Variants in ZNF568 observed in about 807,000 individuals in gnomAD.
The protein encoded by ZNF568 is zinc finger protein 568, also known as p53 inhibitor of SCO2 activation.
Under a neutral mutation model 18.1 loss-of-function variants are expected in ZNF568, and 11 were observed. The observed-to-expected ratio is 0.61, with a 90% CI of 0.38 to 1.00. The LOEUF (loss-of-function observed/expected upper bound fraction) is 1.00. Ranked by LOEUF, ZNF568 falls within the 50% of genes least tolerant of loss-of-function variation. The pLI is 0.01. For missense variants in ZNF568, 639 were observed against 768.2 expected (o/e 0.83, Z 1.99); for synonymous variants, 213 against 246.6 (o/e 0.86, Z 1.28).
chr19:36,974,909 C>T (rs528604374), intron 7 of ZNF568, among the ~76,000 whole-genome samples: 1 of 150,592 alleles, frequency 6.6e-6, no homozygotes, highest in East Asian at 1.9e-4. Flanking sequence ...TCACTGCAAC[C>T]TCCGCCTCCT....
At chr19:36,944,673 T>C (rs1175168631) in intron 6 of ZNF568, among the ~76,000 whole-genome samples, 2 of 152,122 alleles carry the variant, frequency 1.3e-5, no homozygotes, top group Admixed American at 6.5e-5. Flanking sequence ...CCATCCCTCT[T>C]TCTCCCCATC....
At chr19:36,983,407 C>T (rs544098575), downstream of ZNF568, among the ~76,000 whole-genome samples, 24 of 152,258 alleles carry the variant, frequency 1.6e-4, no homozygotes, top group African/African-American at 4.3e-4. Flanking sequence ...ATTTACTACC[C>T]GCATCCTCCC....
chr19:36,958,950 A>G (rs529625814), intron 6 of ZNF568, among the ~76,000 whole-genome samples: 9 of 152,274 alleles, frequency 5.9e-5, no homozygotes, highest in African/African-American at 2.2e-4. Flanking sequence ...TCCTAGATAT[A>G]GGATTATATC....
intron 3 of ZNF568, among the ~76,000 whole-genome samples, chr19:36,924,715 C>T (rs779062490): frequency 1.3e-5 from 2 of 150,798 alleles, no homozygotes; most frequent in South Asian, 4.2e-4. Flanking sequence ...CCTATAATCC[C>T]AGCTACGTGG....
At chr19:36,982,180 C>T (rs191236641), downstream of ZNF568, among the ~76,000 whole-genome samples, 11 of 152,076 alleles carry the variant, frequency 7.2e-5, no homozygotes, top group African/African-American at 2.7e-4. Flanking sequence ...TATTTTAATT[C>T]TTATCTTGCT....
intron 2 of ZNF568, among the ~76,000 whole-genome samples, chr19:36,986,106 ATTG>A (rs2074374327): frequency 6.6e-6 from 1 of 152,084 alleles, no homozygotes; most frequent in South Asian, 2.1e-4. Flanking sequence ...CCACCTTAGT[ATTG>A]TTATGTGAAC....
intron 2 of ZNF568, among the ~76,000 whole-genome samples, chr19:36,920,017 G>C (rs905755966): frequency 9.2e-5 from 14 of 152,126 alleles, no homozygotes; most frequent in South Asian, 8.3e-4. Context: ...ACAGCCTCAG[G>C]TCCTTCAGGA....
At chr19:36,919,576 G>A (rs928343766) in intron 2 of ZNF568, among the ~76,000 whole-genome samples, 1 of 152,144 alleles carries the variant, frequency 6.6e-6, no homozygotes, top group Non-Finnish European at 1.5e-5. Context: ...CTGTAAGGCT[G>A]TAATGCCACC....
downstream of ZNF568, among the ~76,000 whole-genome samples, chr19:36,953,664 C>T (rs527735028): frequency 8.1e-4 from 124 of 152,298 alleles, no homozygotes; most frequent in African/African-American, 2.8e-3. Flanking sequence ...GTAAACCCAG[C>T]GCTTTGGGAG....
intron 4 of ZNF568, chr19:36,996,278 G>A: frequency 7.0e-7 from 1 of 1,429,642 alleles, no homozygotes; most frequent in Non-Finnish European, 9.3e-7. Flanking sequence ...GTCCTGCAAT[G>A]TGAAAATACC....
At chr19:36,924,489 T>G (rs1337612860) in intron 3 of ZNF568, among the ~76,000 whole-genome samples, 3 of 5,574 alleles carry the variant, frequency 5.4e-4, no homozygotes, top group Non-Finnish European at 9.8e-4. Flanking sequence ...AGTGCTGGGA[T>G]TACAGGCGTG....
intron 2 of ZNF568, among the ~76,000 whole-genome samples, chr19:36,919,664 C>A (rs1282014676): frequency 1.3e-5 from 2 of 152,134 alleles, no homozygotes; most frequent in African/African-American, 2.4e-5. Context: ...TGGCCTGGTT[C>A]CTAACCAGGA....
chr19:36,942,673 A>G (rs2146299381), intron 6 of ZNF568, among the ~76,000 whole-genome samples: 1 of 151,432 alleles, frequency 6.6e-6, no homozygotes, highest in African/African-American at 2.4e-5. Context: ...CAGCTTCAAC[A>G]GTTACCGACA....
Position 36,922,851 on chromosome 19 carries a change from G to A in ZNF568, c.76+5G>A. On this transcript the variant is annotated splice_donor_5th_base_variant and intron_variant, in intron 3 of 6. Transcript: ENST00000333987. ...GCCACATGATGGAAAGGAAAGGTGA[G>A]GTGGCTCATAGGTGGACAGAGCTTA... 1 of 1,613,724 alleles carries A rather than the reference G, an allele frequency of 6.2e-7. No homozygotes were observed. The highest frequency in any genetic ancestry group is 1.7e-5 in the Admixed American group (1 of 59,980).
intron 6 of ZNF568, among the ~76,000 whole-genome samples, chr19:36,971,634 G>A (rs1292648602): frequency 2.6e-5 from 4 of 152,066 alleles, no homozygotes; most frequent in South Asian, 2.1e-4. Flanking sequence ...ACGCAGTCTC[G>A]CTCTATCGCC....
At chr19:36,974,212 G>A (rs1343687485) in intron 6 of ZNF568, among the ~76,000 whole-genome samples, 1 of 152,084 alleles carries the variant, frequency 6.6e-6, no homozygotes, top group Non-Finnish European at 1.5e-5. Context: ...GGAGGAAGAG[G>A]GCTACGGTCT....
chr19:36,959,407 GGTTT>G (rs1600830461), intron 6 of ZNF568, among the ~76,000 whole-genome samples: 1 of 152,006 alleles, frequency 6.6e-6, no homozygotes, highest in African/African-American at 2.4e-5. Flanking sequence ...TATTGGATTT[GGTTT>G]GTTAGTGCTT....
Position 36,951,238 on chromosome 19 carries a change from A to T in ZNF568, c.*150A>T. On this transcript the variant is annotated 3_prime_UTR_variant, in exon 7 of 7. Coordinates refer to ENST00000333987, the MANE Select transcript of ZNF568 (RefSeq NM_198539.4). ...ATGGAAAGAAATACCATATACATAG[A>T]TGGAAAAACCCAGTATTATAAAAAC... 1 of 677,804 alleles carries T rather than the reference A, an allele frequency of 1.5e-6. No individual in the cohort carries two copies. The highest frequency in any genetic ancestry group is 2.1e-6 in the Non-Finnish European group (1 of 467,598). The allele number at this position is 677,804 out of a possible 1,614,324, so 42.0% of individuals were successfully genotyped here. A position where few individuals can be genotyped will look rare whatever the true frequency, so the allele number is the denominator to read the frequency against.
chr19:36,991,110 C>A (rs1195613084), intron 2 of ZNF568: 2 of 1,473,476 alleles, frequency 1.4e-6, no homozygotes, highest in Non-Finnish European at 1.8e-6. Context: ...TCTCCATTTT[C>A]TTTTATGTTG....
Sources: gnomAD v4.1 joint callset for allele counts (sites outside exome capture counted in the v4.1 genomes callset) on GRCh38, gnomAD v4.1.1 for gene constraint, MANE v1.5 for transcripts, NCBI Gene and HGNC (gene_info 2026-07-23, HGNC 2026-07-21) for gene names.